Variants in FAM117A observed in about 807,000 individuals in gnomAD.
FAM117A encodes protein FAM117A.
Under a neutral mutation model 44.1 loss-of-function variants are expected in FAM117A, and 21 were observed. That is an observed-to-expected ratio of 0.48 (90% CI 0.34 to 0.69). The LOEUF (loss-of-function observed/expected upper bound fraction) is 0.69, where lower values mean the gene tolerates loss of function less well. Among genes scored for constraint, FAM117A ranks in the 30% least tolerant of loss-of-function variants. The pLI, the probability that FAM117A is intolerant of heterozygous loss-of-function variation, is 0.01. For missense variants in FAM117A, 498 were observed against 589.9 expected (o/e 0.84, Z 1.61); for synonymous variants, 220 against 238.3 (o/e 0.92, Z 0.71).
chr17:49,725,664 A>G (rs1275862341), intron 2 of FAM117A, among the ~76,000 whole-genome samples: 1 of 152,194 alleles, frequency 6.6e-6, no homozygotes, highest in Non-Finnish European at 1.5e-5. Context: ...ATGTTTGAGA[A>G]TGATAAAGAG....
At chr17:49,758,785 T>C (rs2073710770) in intron 1 of FAM117A, among the ~76,000 whole-genome samples, 1 of 152,124 alleles carries the variant, frequency 6.6e-6, no homozygotes. Flanking sequence ...AAGAACTCCA[T>C]AACCAGACCT....
At chr17:49,719,087 C>T (rs1365728512) in intron 5 of FAM117A, among the ~76,000 whole-genome samples, 1 of 151,638 alleles carries the variant, frequency 6.6e-6, no homozygotes, top group Non-Finnish European at 1.5e-5. Flanking sequence ...GATGGTGAAA[C>T]CCCATCTCTA....
chr17:49,772,762 C>T (rs2073764902), intron 1 of FAM117A, among the ~76,000 whole-genome samples: 1 of 151,634 alleles, frequency 6.6e-6, no homozygotes, highest in African/African-American at 2.4e-5. Context: ...AAAAAAAAAT[C>T]CAGTTCAAAG....
At chr17:49,745,418 T>C (rs1170648296) in intron 1 of FAM117A, among the ~76,000 whole-genome samples, 2 of 152,210 alleles carry the variant, frequency 1.3e-5, no homozygotes, top group Non-Finnish European at 2.9e-5. Context: ...AGAAGATTTA[T>C]ATAATCCCAA....
At chr17:49,734,545 T>A (rs1435711878) in intron 1 of FAM117A, among the ~76,000 whole-genome samples, 2 of 152,024 alleles carry the variant, frequency 1.3e-5, no homozygotes, top group African/African-American at 4.8e-5. Context: ...TGAGCCGAGA[T>A]AGCGCCACTG....
rs544319431 is a variant in FAM117A at position 49,758,588 on chromosome 17, C to T, written c.196+5304G>A. The stretch of plus-strand genomic sequence containing the variant: ...GCAGTGAGCCGAGATCGTGCCATTG[C>T]GCTCCATCCTGGGTGACAAAGCGAG... On this transcript the variant is annotated intron_variant, in intron 1 of 7. Coordinates refer to ENST00000240364, the MANE Select transcript of FAM117A (RefSeq NM_030802.4). Among the ~76,000 whole-genome samples the T allele has an allele frequency of 3.1e-3, 466 of 149,092 alleles. 5 individuals are homozygous for T. The highest frequency in any genetic ancestry group is 2.1e-3 in the Non-Finnish European group (139 of 67,754).
chr17:49,750,731 G>A (rs2073673148), intron 1 of FAM117A, among the ~76,000 whole-genome samples: 1 of 151,896 alleles, frequency 6.6e-6, no homozygotes, highest in Admixed American at 6.6e-5. Flanking sequence ...AGCCAAGATT[G>A]TGCCACTGCA....
chr17:49,787,812 T>C (rs1176912886), intron 1 of FAM117A, among the ~76,000 whole-genome samples: 1 of 152,210 alleles, frequency 6.6e-6, no homozygotes, highest in East Asian at 1.9e-4. Context: ...TCCATTCTTT[T>C]GGGGGCTTCA....
At chr17:49,742,855 A>G (rs1473862365) in intron 1 of FAM117A, among the ~76,000 whole-genome samples, 1 of 152,194 alleles carries the variant, frequency 6.6e-6, no homozygotes, top group African/African-American at 2.4e-5. Flanking sequence ...AAAAACAAAC[A>G]TTAGGGAAGT....
intron 1 of FAM117A, among the ~76,000 whole-genome samples, chr17:49,744,616 G>A (rs2073647293): frequency 6.6e-6 from 1 of 151,780 alleles, no homozygotes; most frequent in African/African-American, 2.4e-5. Flanking sequence ...CACCTTGCCT[G>A]GCCTCCCTGC....
At chr17:49,769,066 C>T (rs542520856), upstream of FAM117A, among the ~76,000 whole-genome samples, 20 of 152,158 alleles carry the variant, frequency 1.3e-4, no homozygotes, top group East Asian at 2.9e-3. Context: ...GAGGCTGAGG[C>T]GGGCAGATCA....
intron 1 of FAM117A, among the ~76,000 whole-genome samples, chr17:49,758,935 C>T (rs1011904958): frequency 1.3e-5 from 2 of 152,162 alleles, no homozygotes; most frequent in African/African-American, 4.8e-5. Flanking sequence ...GCCCATCACA[C>T]CATTCAAAAT....
intron 1 of FAM117A, among the ~76,000 whole-genome samples, chr17:49,759,241 C>T (rs1250329306): frequency 1.3e-5 from 2 of 152,128 alleles, no homozygotes; most frequent in Non-Finnish European, 2.9e-5. Flanking sequence ...TCCAAAATAC[C>T]GAAGAACACA....
upstream of FAM117A, chr17:49,788,751 G>A: frequency 4.1e-6 from 6 of 1,460,998 alleles, no homozygotes; most frequent in Non-Finnish European, 5.6e-6. Context: ...TGATACAGAG[G>A]CCGCCACGGA....
intron 1 of FAM117A, among the ~76,000 whole-genome samples, chr17:49,760,143 C>T (rs2073717066): frequency 1.3e-5 from 2 of 152,134 alleles, no homozygotes; most frequent in Non-Finnish European, 1.5e-5. Flanking sequence ...AGGCTGGATT[C>T]ACACATGATG....
chr17:49,779,234 T>C (rs564333098), intron 1 of FAM117A, among the ~76,000 whole-genome samples: 1 of 152,300 alleles, frequency 6.6e-6, no homozygotes, highest in African/African-American at 2.4e-5. Flanking sequence ...CCTCCATGGA[T>C]AGGCACATGG....
intron 1 of FAM117A, among the ~76,000 whole-genome samples, chr17:49,740,538 T>C (rs544536967): frequency 2.8e-4 from 43 of 152,308 alleles, no homozygotes; most frequent in Admixed American, 5.2e-4. Context: ...CGTGAGCCAC[T>C]GCACCCAGCC....
chr17:49,778,390 T>C (rs2073780725), intron 1 of FAM117A, among the ~76,000 whole-genome samples: 1 of 152,244 alleles, frequency 6.6e-6, no homozygotes, highest in Non-Finnish European at 1.5e-5. Context: ...AAATGACCCT[T>C]AGTGTTGACT....
At chr17:49,765,612 G>C (rs2073743259), upstream of FAM117A, 1 of 152,186 alleles carries the variant, frequency 6.6e-6, no homozygotes, top group African/African-American at 2.4e-5. Flanking sequence ...GTGTACTCTT[G>C]CAGTTTTGAA....
Sources: allele counts gnomAD v4.1 joint callset (sites outside exome capture counted in the v4.1 genomes callset), GRCh38; gene constraint gnomAD v4.1.1; transcripts MANE v1.5; gene names NCBI Gene and HGNC (gene_info 2026-07-23, HGNC 2026-07-21).